PACSIN1: variants seen among roughly 807,000 people sequenced by gnomAD.
PACSIN1 encodes the protein protein kinase C and casein kinase substrate in neurons 1.
In PACSIN1, 15 loss-of-function variants were observed where a neutral mutation model predicts 59.5. That is an observed-to-expected ratio of 0.25 (90% CI 0.17 to 0.39). PACSIN1 has a LOEUF of 0.39. Among genes scored for constraint, PACSIN1 ranks in the 10% least tolerant of loss-of-function variants. The pLI is 1.00. For missense variants in PACSIN1, 420 were observed against 580.2 expected (o/e 0.72, Z 2.84); for synonymous variants, 210 against 220.6 (o/e 0.95, Z 0.42).
chr6:34,467,707 C>T (rs1406984756), intron 1 of PACSIN1, among the ~76,000 whole-genome samples: 2 of 152,066 alleles, frequency 1.3e-5, no homozygotes, highest in Non-Finnish European at 2.9e-5. Flanking sequence ...TACAGGCATG[C>T]ACCACCACAC....
intron 1 of PACSIN1, among the ~76,000 whole-genome samples, chr6:34,496,114 C>A (rs1766942833): frequency 6.6e-6 from 1 of 152,156 alleles, no homozygotes; most frequent in Non-Finnish European, 1.5e-5. Flanking sequence ...GTGATTGTGC[C>A]ATAGGACTAA....
intron 1 of PACSIN1, among the ~76,000 whole-genome samples, chr6:34,487,004 C>CA (rs3042080): frequency 0.077 from 10,263 of 133,864 alleles, 428 homozygotes; most frequent in African/African-American, 0.11. Flanking sequence ...CCATCTCTAC[C>CA]AAAAAAAAAA....
In PACSIN1 at chr6:34,530,488, C is replaced by A; in HGVS notation, c.938C>A (p.Thr313Asn). 1 of 1,606,874 alleles carries A rather than the reference C, an allele frequency of 6.2e-7. No homozygotes were observed. Among genetic ancestry groups the A allele is most frequent in the Non-Finnish European group, 8.5e-7 (1 of 1,176,704 alleles). The change falls in exon 8 of 10, where the codon ACC becomes AAC. Residue 313 changes from threonine to asparagine, a missense_variant. Thr to Asn is a moderately conservative substitution (Grantham distance 65). Transcript: ENST00000244458. This position sits in a 1 kb window ranked among gnomAD's most constrained non-coding sequence, Gnocchi z 4.4. ...TGGAACCCAGACCTTCCTCACACCA[C>A]CACCAAGAAGGAGAAACAGCCTAAG... ...EEWNPDLPHTTTKKEKQPKKA... is the reference protein window; with the variant it reads ...EEWNPDLPHTNTKKEKQPKKA...
At chr6:34,520,407 A>G (rs1767368981) in intron 1 of PACSIN1, among the ~76,000 whole-genome samples, 1 of 152,140 alleles carries the variant, frequency 6.6e-6, no homozygotes, top group Non-Finnish European at 1.5e-5. Flanking sequence ...TTCCGTGGGG[A>G]GAAGGCCTTA....
At position 34,514,061 on chromosome 6, in the gene PACSIN1, C is replaced by CGT. The variant is rs371958439; in HGVS notation, c.-63-12171_-63-12170dup. Among the ~76,000 whole-genome samples, 168 of 152,216 alleles carry CGT rather than the reference C, an allele frequency of 1.1e-3. No homozygotes were observed. Among genetic ancestry groups the CGT allele is most frequent in the African/African-American group, 3.9e-3 (162 of 41,518 alleles). ...TATGCTGATATTAGTGTCACAGTTA[C>CGT]GTGTGTGTGTGTTATAGGTGCACTG... On this transcript the variant is annotated intron_variant, in intron 1 of 9. Coordinates refer to ENST00000244458, the MANE Select transcript of PACSIN1 (RefSeq NM_020804.5). The surrounding 1 kb of genome is among the most constrained non-coding windows in gnomAD (Gnocchi z 4.4).
At chr6:34,528,130 T>C (rs1767522465) in intron 3 of PACSIN1, among the ~76,000 whole-genome samples, 1 of 152,250 alleles carries the variant, frequency 6.6e-6, no homozygotes. Context: ...CTAAACCCCA[T>C]GAGAGCAGGG....
chr6:34,511,611 G>A (rs1015121330), intron 1 of PACSIN1, among the ~76,000 whole-genome samples: 12 of 151,962 alleles, frequency 7.9e-5, no homozygotes, highest in Admixed American at 6.6e-5. Flanking sequence ...CCCCTCCCAA[G>A]TACCCACCCC....
At chr6:34,506,581 G>T (rs2127261348) in intron 1 of PACSIN1, among the ~76,000 whole-genome samples, 1 of 152,328 alleles carries the variant, frequency 6.6e-6, no homozygotes, top group Admixed American at 6.5e-5. Flanking sequence ...GGATCTTCTT[G>T]AAATCTGTTT....
At chr6:34,485,931 C>T (rs1276592495) in intron 1 of PACSIN1, among the ~76,000 whole-genome samples, 2 of 152,112 alleles carry the variant, frequency 1.3e-5, no homozygotes, top group Non-Finnish European at 2.9e-5. Context: ...GATGGACAGG[C>T]CTTTCCAGGA....
At chr6:34,479,982 C>T (rs1415283446) in intron 1 of PACSIN1, among the ~76,000 whole-genome samples, 2 of 151,944 alleles carry the variant, frequency 1.3e-5, no homozygotes, top group South Asian at 4.1e-4. Flanking sequence ...TATGCCACCA[C>T]ACCCAGCTAA....
Position 34,470,175 on chromosome 6 carries a change from C to CTATTATTATTATTATTATTATTATTAT in PACSIN1, c.-64+3927_-64+3928insATTATTATTATTATTATTATTATTATT, listed in dbSNP as rs200734893. Among the ~76,000 whole-genome samples the CTATTATTATTATTATTATTATTATTAT allele has an allele frequency of 5.3e-5, 8 of 151,562 alleles. No individual in the cohort carries two copies. In the South Asian group the frequency reaches 1.7e-3, roughly 32 times the overall value. On this transcript the variant is annotated intron_variant, in intron 1 of 9. Transcript: ENST00000244458. The stretch of plus-strand genomic sequence containing the variant: ...ACTGGGAGGGCAGGGGAGGCCTTGG[C>CTATTATTATTATTATTATTATTATTAT]TATTATTATTATTATTATTATTTTT...
At chr6:34,485,907 G>A (rs1178416191) in intron 1 of PACSIN1, among the ~76,000 whole-genome samples, 4 of 152,194 alleles carry the variant, frequency 2.6e-5, no homozygotes, top group Non-Finnish European at 5.9e-5. Context: ...TTCGGAGGGA[G>A]TGGAGATGGG....
In PACSIN1 at chr6:34,532,534, CCCCCT is replaced by C. The variant is rs142849257; in HGVS notation, c.*8_*12del. The C allele has an allele frequency of 6.8e-3, 10,313 of 1,510,714 alleles. 328 individuals are homozygous for C. In the African/African-American group the frequency reaches 0.093, roughly 14 times the overall value. 93.6% of individuals were successfully genotyped at this position (1,510,714 alleles called of 1,614,324 possible). On this transcript the variant is annotated 3_prime_UTR_variant, in exon 10 of 10. Transcript: ENST00000244458. This position sits in a 1 kb window ranked among gnomAD's most constrained non-coding sequence, Gnocchi z 5.2. ...CAACTACGTGGAGGCTATCTAGAGG[CCCCCT>C]CCCTCCATACTCCCGTCACTCCTCC...
chr6:34,496,941 CTTTTTTT>C (rs11464603), intron 1 of PACSIN1, among the ~76,000 whole-genome samples: 1 of 100,806 alleles, frequency 9.9e-6, no homozygotes, highest in Non-Finnish European at 1.8e-5. Flanking sequence ...CTCTCTCTCT[CTTTTTTT>C]TTTTTTTTTT....
Position 34,530,611 on chromosome 6 carries a change from C to T in PACSIN1, c.1037+24C>T. On this transcript the variant is annotated intron_variant, in intron 8 of 9. Transcript: ENST00000244458. The surrounding 1 kb of genome is among the most constrained non-coding windows in gnomAD (Gnocchi z 4.4). Reference sequence around the variant, plus strand: ...AGGTGAGTGCCTCCTGTGGAGCTTCCTGGGGCCAAGAGGGACCCACACTCT... The same window carrying T: ...AGGTGAGTGCCTCCTGTGGAGCTTCTTGGGGCCAAGAGGGACCCACACTCT... 6.5e-7 allele frequency: 1 copy of T among 1,534,432 alleles called. No individual in the cohort carries two copies. Among genetic ancestry groups the T allele is most frequent in the Non-Finnish European group, 8.8e-7 (1 of 1,142,346 alleles).
Position 34,529,541 on chromosome 6 carries a change from G to T in PACSIN1, c.601G>T (p.Asp201Tyr). ...GGACAAAGTGGACAAGTGCAAGCAG[G>T]ATGTGCAGAAGGTGCTGGCGGGCAG... ...LQDKVDKCKQ[D>Y]VQKTQEKYEK... is the part of the protein sequence containing the mutation. Residue 201 changes from aspartate (D) to tyrosine (Y), a missense_variant, in exon 5 of 10, where the codon GAT becomes TAT. By Grantham distance (160) the Asp-to-Tyr change is radical. Transcript: ENST00000244458. The surrounding 1 kb of genome is among the most constrained non-coding windows in gnomAD (Gnocchi z 6.3). 6.2e-7 allele frequency: 1 copy of T among 1,614,148 alleles called. No individual in the cohort carries two copies. Among genetic ancestry groups the T allele is most frequent in the Non-Finnish European group, 8.5e-7 (1 of 1,180,030 alleles).
chr6:34,492,815 G>A (rs2127253763), intron 1 of PACSIN1, among the ~76,000 whole-genome samples: 1 of 152,384 alleles, frequency 6.6e-6, no homozygotes, highest in Admixed American at 6.5e-5. Flanking sequence ...GACTTCTAGA[G>A]GAGGGAAGGA....
rs1215586477 is a variant in PACSIN1 at position 34,488,433 on chromosome 6, G to C, written c.-64+22163G>C. On this transcript the variant is annotated intron_variant, in intron 1 of 9. Transcript: ENST00000244458. This position sits in a 1 kb window ranked among gnomAD's most constrained non-coding sequence, Gnocchi z 4.7. ...GCTGGTTTCTTGCCACAAGGGGCCT[G>C]AAGGGAAGTGGTGGCAGTTACAGCT... Among the ~76,000 whole-genome samples the C allele has an allele frequency of 1.3e-5, 2 of 152,134 alleles. No individual in the cohort carries two copies. Among genetic ancestry groups the C allele is most frequent in the Admixed American group, 6.5e-5 (1 of 15,274 alleles).
Position 34,527,503 on chromosome 6 carries a change from T to G in PACSIN1, c.220+15T>G, listed in dbSNP as rs1767510632. 1 of 1,576,210 alleles carries G rather than the reference T, an allele frequency of 6.3e-7. No homozygotes were observed. On this transcript the variant is annotated intron_variant, in intron 3 of 9. Coordinates refer to ENST00000244458, the MANE Select transcript of PACSIN1 (RefSeq NM_020804.5). ...CATCGAGAAAGGTGCTCCCCCAGGC[T>G]CACATCGTGCGCGCCCCCAGGCCGT... is the stretch of plus-strand genomic sequence containing the variant.
Sources: gnomAD v4.1 joint callset for allele counts (sites outside exome capture counted in the v4.1 genomes callset) on GRCh38, gnomAD v4.1.1 for gene constraint, Gnocchi (gnomAD v3.1) non-coding constraint, MANE v1.5 for transcripts, NCBI Gene and HGNC (gene_info 2026-07-23, HGNC 2026-07-21) for gene names.